DCDC2C: variants seen among roughly 807,000 people sequenced by gnomAD.
DCDC2C encodes the protein doublecortin domain containing 2C, also known as doublecortin domain-containing protein 2C.
DCDC2C carries 44 observed loss-of-function variants against 45.0 expected under a neutral mutation model. The ratio of observed to expected loss-of-function variants is 0.98; its 90% CI spans 0.77 to 1.26. DCDC2C has a LOEUF of 1.26. Among genes scored for constraint, DCDC2C ranks in the 50% most tolerant of loss-of-function variants. The pLI, the probability that DCDC2C is intolerant of heterozygous loss-of-function variation, is 0.00. For missense variants in DCDC2C, 447 were observed against 468.9 expected (o/e 0.95, Z 0.43); for synonymous variants, 187 against 178.8 (o/e 1.05, Z -0.37).
At chr2:3,706,169 A>G (rs2148037068) in intron 1 of DCDC2C, among the ~76,000 whole-genome samples, 1 of 152,382 alleles carries the variant, frequency 6.6e-6, no homozygotes, top group South Asian at 2.1e-4. Flanking sequence ...GAGCAGTTCA[A>G]TTAATTTTCA....
At chr2:3,830,284 C>T (rs1563172) in intron 10 of DCDC2C, among the ~76,000 whole-genome samples, 71,125 of 151,762 alleles carry the variant, frequency 0.47, 16,650 homozygotes, top group East Asian at 0.57. Flanking sequence ...CTGGAAATAA[C>T]GAGTGCTTTT....
intron 10 of DCDC2C, among the ~76,000 whole-genome samples, chr2:3,800,324 G>A (rs371902136): frequency 3.9e-5 from 6 of 152,166 alleles, no homozygotes; most frequent in African/African-American, 7.2e-5. Context: ...GAAATCACCC[G>A]TCTTCTGTGT....
intron 10 of DCDC2C, among the ~76,000 whole-genome samples, chr2:3,799,199 C>T (rs149490617): frequency 0.16 from 24,078 of 152,120 alleles, 2,156 homozygotes; most frequent in East Asian, 0.24. Flanking sequence ...ACATAGTTCT[C>T]GAGCCTTGTT....
intron 3 of DCDC2C, among the ~76,000 whole-genome samples, chr2:3,735,309 A>C: frequency 6.6e-6 from 1 of 151,736 alleles, no homozygotes; most frequent in South Asian, 2.1e-4. Flanking sequence ...ACCCGTGCAC[A>C]ATGTGCAGGT....
chr2:3,703,607 C>G lies in DCDC2C; in HGVS notation c.-145C>G, dbSNP rs1252206017. On this transcript the variant is annotated 5_prime_UTR_variant, in exon 1 of 11. Coordinates refer to ENST00000399143, the MANE Select transcript of DCDC2C (RefSeq NM_001287444.2). The surrounding 1 kb of genome is among the most constrained non-coding windows in gnomAD (Gnocchi z 4.4). ...TCCCGTCCCCGTCCAGCCCCCGTCC[C>G]GTCCCCGTCCCGTCCCCGTCCTGCG... 1.3e-6 allele frequency: 1 copy of G among 785,476 alleles called. No homozygotes were observed. The highest frequency in any genetic ancestry group is 3.8e-5 in the East Asian group (1 of 26,136). 48.7% of individuals were successfully genotyped at this position (785,476 alleles called of 1,614,324 possible). A position where few individuals can be genotyped will look rare whatever the true frequency, so the allele number is the denominator to read the frequency against.
At chr2:3,713,629 G>A (rs1350016187) in intron 2 of DCDC2C, among the ~76,000 whole-genome samples, 1 of 152,194 alleles carries the variant, frequency 6.6e-6, no homozygotes, top group Non-Finnish European at 1.5e-5. Context: ...TGGGGTTTAA[G>A]GATGTTTACA....
At chr2:3,771,763 C>T (rs995940543) in intron 8 of DCDC2C, among the ~76,000 whole-genome samples, 157 of 152,306 alleles carry the variant, frequency 1.0e-3, no homozygotes, top group African/African-American at 3.5e-3. Context: ...CTTGCGCGAG[C>T]GTGGCTGGCT....
intron 9 of DCDC2C, among the ~76,000 whole-genome samples, chr2:3,783,432 G>A (rs545523406): frequency 4.5e-4 from 68 of 152,292 alleles, no homozygotes; most frequent in Non-Finnish European, 7.3e-4. Context: ...TCCCCAGGGA[G>A]CATCTCTTCC....
intron 2 of DCDC2C, among the ~76,000 whole-genome samples, chr2:3,713,532 C>G (rs1668274700): frequency 6.6e-6 from 1 of 152,212 alleles, no homozygotes; most frequent in Non-Finnish European, 1.5e-5. Flanking sequence ...GCCCTAAAAG[C>G]TCCTGGAGAC....
At chr2:3,826,953 C>T (rs1435328555) in intron 10 of DCDC2C, among the ~76,000 whole-genome samples, 1 of 152,002 alleles carries the variant, frequency 6.6e-6, no homozygotes, top group Non-Finnish European at 1.5e-5. Context: ...GCCTCCCTCC[C>T]TCTCTTCTTC....
chr2:3,785,889 C>A (rs1047741251), intron 10 of DCDC2C, among the ~76,000 whole-genome samples: 4 of 152,148 alleles, frequency 2.6e-5, no homozygotes, highest in Non-Finnish European at 5.9e-5. Flanking sequence ...CTCTGCCTGG[C>A]CTTGGCTGCT....
chr2:3,722,162 A>G (rs1299606107), intron 2 of DCDC2C, among the ~76,000 whole-genome samples: 1 of 152,216 alleles, frequency 6.6e-6, no homozygotes, highest in Non-Finnish European at 1.5e-5. Flanking sequence ...GGGAGGTTAT[A>G]CAACTTGATC....
intron 10 of DCDC2C, among the ~76,000 whole-genome samples, chr2:3,824,105 T>C (rs969601902): frequency 2.9e-4 from 44 of 152,260 alleles, no homozygotes; most frequent in African/African-American, 1.0e-3. Flanking sequence ...GTTGCAAATG[T>C]ATTTATTAGA....
chr2:3,804,317 T>C (rs1263419704), intron 10 of DCDC2C, among the ~76,000 whole-genome samples: 1 of 152,246 alleles, frequency 6.6e-6, no homozygotes, highest in Non-Finnish European at 1.5e-5. Context: ...AGCTCTATTT[T>C]CCTTTGTTCT....
chr2:3,812,697 C>G (rs1350284950), intron 10 of DCDC2C, among the ~76,000 whole-genome samples: 1 of 152,034 alleles, frequency 6.6e-6, no homozygotes, highest in Non-Finnish European at 1.5e-5. Flanking sequence ...TTATTTCAGG[C>G]TTTCTGATGT....
chr2:3,813,440 G>T (rs779660161), intron 10 of DCDC2C, among the ~76,000 whole-genome samples: 15 of 152,060 alleles, frequency 9.9e-5, no homozygotes, highest in African/African-American at 3.6e-4. Context: ...ATCCAGAGTT[G>T]AGTTCAACTC....
chr2:3,801,205 C>T, intron 10 of DCDC2C, among the ~76,000 whole-genome samples: 1 of 152,248 alleles, frequency 6.6e-6, no homozygotes, highest in Non-Finnish European at 1.5e-5. Context: ...GTTCCTCAAG[C>T]TCTTGCTAAT....
chr2:3,776,661 TCTC>T (rs909438511), intron 8 of DCDC2C, among the ~76,000 whole-genome samples: 2 of 152,156 alleles, frequency 1.3e-5, no homozygotes, highest in African/African-American at 4.8e-5. Flanking sequence ...TAGGGCATCT[TCTC>T]CTCTCACTCT....
intron 8 of DCDC2C, among the ~76,000 whole-genome samples, chr2:3,777,343 T>C (rs1013353337): frequency 5.3e-5 from 8 of 152,250 alleles, no homozygotes. Flanking sequence ...TTTGTGTGAC[T>C]ATTTAATTAA....
Sources: allele counts gnomAD v4.1 joint callset (sites outside exome capture counted in the v4.1 genomes callset), GRCh38; gene constraint gnomAD v4.1.1; non-coding constraint Gnocchi (gnomAD v3.1); transcripts MANE v1.5; gene names NCBI Gene and HGNC (gene_info 2026-07-23, HGNC 2026-07-21).